INSRR: variants seen among roughly 807,000 people sequenced by gnomAD.
INSRR encodes the protein insulin receptor-related protein.
In INSRR, 114 loss-of-function variants were observed where a neutral mutation model predicts 130.0. The ratio of observed to expected loss-of-function variants is 0.88; its 90% CI spans 0.75 to 1.02. The LOEUF is 1.02. INSRR is among the 50% of genes least tolerant of loss of function. INSRR has a pLI of 0.00. For missense variants in INSRR, 1,657 were observed against 1,735.2 expected (o/e 0.95, Z 0.80); for synonymous variants, 674 against 705.2 (o/e 0.96, Z 0.70).
intron 17 of INSRR, 39 bp from the exon 18 acceptor site, chr1:156,842,547 C>T: frequency 1.3e-6 from 2 of 1,559,766 alleles, no homozygotes; most frequent in Non-Finnish European, 1.8e-6. Flanking sequence ...CCCTAGTTCC[C>T]CTTGACCCAT....
chr1:156,854,182 G>A lies in INSRR; in HGVS notation c.207C>T (p.Arg69=), dbSNP rs554470500. The A allele has an allele frequency of 6.9e-5, 112 of 1,614,116 alleles. No individual in the cohort carries two copies. The highest frequency in any genetic ancestry group is 2.7e-5 in the African/African-American group (2 of 75,066). ...GGGTGAGGCGAGGGAAGCTGAGGCC[G>A]CGGAAGTCCTCCCCGGTGGCTGTGA... ...LMFTATGEDF[R]GLSFPRLTQV... The change falls in exon 2 of 22, where the codon CGC becomes CGT. Residue 69 remains arginine, a synonymous_variant. Transcript: ENST00000368195. The surrounding 1 kb of genome is among the most constrained non-coding windows in gnomAD (Gnocchi z 4.2).
intron 19 of INSRR, 100 bp downstream of exon 19, chr1:156,842,012 C>T: frequency 1.9e-6 from 3 of 1,584,938 alleles, no homozygotes; most frequent in Non-Finnish European, 2.6e-6. Flanking sequence ...CCAAGGGTCT[C>T]ACAGGCTGTC....
In INSRR at chr1:156,841,541, A is replaced by G. The variant is rs760117540; in HGVS notation, c.3528-13T>C. On this transcript the variant is annotated splice_polypyrimidine_tract_variant and intron_variant, in intron 20 of 21. Coordinates refer to ENST00000368195, the MANE Select transcript of INSRR (RefSeq NM_014215.3). ...CACGCCAAAGGACCTGGGGGCATGC[A>G]GGAGCTCCTGAGCCCAGCACCCTTC... The G allele has an allele frequency of 2.5e-6, 4 of 1,613,820 alleles. No individual in the cohort carries two copies. The African/African-American group carries it at 5.3e-5, about 22-fold the overall frequency.
Position 156,844,544 on chromosome 1 carries a change from G to A in INSRR, c.2655C>T (p.Asn885=). Residue 885 remains asparagine (N), a synonymous_variant, in exon 14 of 22, where the codon AAC becomes AAT. Coordinates refer to ENST00000368195, the MANE Select transcript of INSRR (RefSeq NM_014215.3). ...AGGTTGCCCTAACCCTGGCAGAGTA[G>A]TTTCCAGGGGGCAGCAGGGCCAGGT... ...GVHLALLPPG[N]YSARVRATSL... 6.2e-7 allele frequency: 1 copy of A among 1,614,180 alleles called. No homozygotes were observed. The highest frequency in any genetic ancestry group is 2.2e-5 in the East Asian group (1 of 44,874).
chr1:156,843,486 C>T lies in INSRR; in HGVS notation c.2844-7G>A, dbSNP rs757173008. On this transcript the variant is annotated splice_region_variant and splice_polypyrimidine_tract_variant and intron_variant, in intron 15 of 21. Coordinates refer to ENST00000368195, the MANE Select transcript of INSRR (RefSeq NM_014215.3). ...AGCATACAGGGTTCTGTTTCTGCAA[C>T]GGGAGGTGAGGGGGTCAGGCTGGAA... The T allele has an allele frequency of 3.0e-5, 49 of 1,613,968 alleles. No homozygotes were observed. Among genetic ancestry groups the T allele is most frequent in the African/African-American group, 9.3e-5 (7 of 74,906 alleles).
chr1:156,842,880 G>C, intron 17 of INSRR, 124 bp downstream of exon 17: 4 of 758,940 alleles, frequency 5.3e-6, no homozygotes, highest in East Asian at 2.7e-5. Context: ...CCCCAATTAG[G>C]ATCCTAACCA....
At chr1:156,847,479 C>T (rs1018425604) in intron 7 of INSRR, among the ~76,000 whole-genome samples, 12 of 152,090 alleles carry the variant, frequency 7.9e-5, no homozygotes, top group African/African-American at 2.9e-4. Flanking sequence ...CCATGGGAGA[C>T]AATGGAACAT....
At chr1:156,849,513 G>GGGGGGGGGGGGGGGGGC in intron 5 of INSRR, 53 bp from the exon 6 acceptor site, 9 of 486,116 alleles carry the variant, frequency 1.9e-5, no homozygotes, top group Non-Finnish European at 3.3e-5. Flanking sequence ...CAGGGGGTGG[G>GGGGGGGGGGGGGGGGGC]AAAGGGGATG....
At chr1:156,849,681 C>T (rs1655136372) in intron 5 of INSRR, among the ~76,000 whole-genome samples, 1 of 152,140 alleles carries the variant, frequency 6.6e-6, no homozygotes, top group African/African-American at 2.4e-5. Flanking sequence ...TTTGGTTTTC[C>T]TCATCAGTGA....
intron 5 of INSRR, among the ~76,000 whole-genome samples, chr1:156,850,536 T>C (rs1262360602): frequency 1.3e-5 from 1 of 74,406 alleles, no homozygotes; most frequent in Non-Finnish European, 2.4e-5. Context: ...AAAACATTCT[T>C]TTTTTTTTTT....
chr1:156,849,516 A>AT, intron 5 of INSRR, 56 bp from the exon 6 acceptor site: 17 of 851,596 alleles, frequency 2.0e-5, no homozygotes, highest in East Asian at 9.2e-5. Flanking sequence ...GGGGTGGGAA[A>AT]GGGGATGGCT....
intron 7 of INSRR, among the ~76,000 whole-genome samples, chr1:156,847,845 A>G (rs1479330914): frequency 6.6e-6 from 1 of 152,012 alleles, no homozygotes; most frequent in Non-Finnish European, 1.5e-5. Context: ...AGCTTGTTGA[A>G]GGGTTCCCAA....
rs1655217750 is a variant in INSRR at position 156,851,749 on chromosome 1, C to T, written c.981G>A (p.Glu327=). 1.2e-6 allele frequency: 2 copies of T among 1,613,798 alleles called. No individual in the cohort carries two copies. Among genetic ancestry groups the T allele is most frequent in the Non-Finnish European group, 1.7e-6 (2 of 1,179,682 alleles). Residue 327 remains glutamate (E), a synonymous_variant, in exon 4 of 22, where the codon GAG becomes GAA. Transcript: ENST00000368195. The stretch of plus-strand genomic sequence containing the variant: ...CGATGGTCTTGGTGCCTACCTTGCA[C>T]TCTTTAGGGCACAGCCCCTCGCACT... The part of the protein sequence containing the change: ...CHKCEGLCPK[E]CKVGTKTIDS...
In INSRR at chr1:156,854,087, AG is replaced by A. The variant is rs755315406; in HGVS notation, c.301del (p.Leu101Ter). 6.2e-7 allele frequency: 1 copy of A among 1,614,114 alleles called. No homozygotes were observed. Among genetic ancestry groups the A allele is most frequent in the Non-Finnish European group, 8.5e-7 (1 of 1,180,046 alleles). On this transcript the variant is annotated frameshift_variant, in exon 2 of 22. Coordinates refer to ENST00000368195, the MANE Select transcript of INSRR (RefSeq NM_014215.3). LOFTEE classifies it high-confidence loss of function. This position sits in a 1 kb window ranked among gnomAD's most constrained non-coding sequence, Gnocchi z 4.2. ...LESLRDLFPN[L>X]AVIRGTRLFL... ...GAGGCGCGTCCCGCGGATGACTGCT[AG>A]GTTGGGGAAGAGGTCGCGCAGGCTC... is the stretch of plus-strand genomic sequence containing the variant.
intron 1 of INSRR, among the ~76,000 whole-genome samples, chr1:156,856,942 C>T (rs1048108573): frequency 6.6e-6 from 1 of 152,238 alleles, no homozygotes; most frequent in Non-Finnish European, 1.5e-5. Flanking sequence ...TTCAGCCTGA[C>T]ATTCAGCTCC....
chr1:156,840,653 C>A lies in INSRR; in HGVS notation c.*220G>T, dbSNP rs1654738993. ...CTGATCTCTACTCCTCTGGCTTTGA[C>A]CCTGCTTGCTCTCCCCCGAGGGACT... On this transcript the variant is annotated 3_prime_UTR_variant, in exon 22 of 22. Transcript: ENST00000368195. 1.7e-6 allele frequency: 1 copy of A among 590,314 alleles called. No homozygotes were observed. The highest frequency in any genetic ancestry group is 3.0e-6 in the Non-Finnish European group (1 of 330,842). 36.6% of individuals were successfully genotyped at this position (590,314 alleles called of 1,614,324 possible). A position where few individuals can be genotyped will look rare whatever the true frequency, so the allele number is the denominator to read the frequency against.
chr1:156,841,315 T>C (rs1571654523), intron 21 of INSRR, 79 bp downstream of exon 21: 3 of 1,347,266 alleles, frequency 2.2e-6, no homozygotes, highest in Admixed American at 1.9e-5. Flanking sequence ...TCAGAGGAGG[T>C]GAGCCAGAAT....
At chr1:156,848,607 T>A (rs1257504967) in intron 7 of INSRR, among the ~76,000 whole-genome samples, 1 of 152,078 alleles carries the variant, frequency 6.6e-6, no homozygotes, top group Non-Finnish European at 1.5e-5. Flanking sequence ...GGCAGGAGCG[T>A]GTGGTCAGTG....
Position 156,858,691 on chromosome 1 carries a change from G to T in INSRR, c.-70C>A. On this transcript the variant is annotated 5_prime_UTR_variant, in exon 1 of 22. Transcript: ENST00000368195. Reference sequence around the variant, plus strand: ...GACTCTGGGGAGAACGGTGTGATAAGCCCTAAGGGACACAGAGACCAGGGT... The same window carrying T: ...GACTCTGGGGAGAACGGTGTGATAATCCCTAAGGGACACAGAGACCAGGGT... The T allele has an allele frequency of 1.5e-6, 2 of 1,319,814 alleles. No homozygotes were observed. The highest frequency in any genetic ancestry group is 2.2e-6 in the Non-Finnish European group (2 of 912,996). 81.8% of individuals were successfully genotyped at this position (1,319,814 alleles called of 1,614,324 possible).
Sources: gnomAD v4.1 joint callset for allele counts (sites outside exome capture counted in the v4.1 genomes callset) on GRCh38, gnomAD v4.1.1 for gene constraint, Gnocchi (gnomAD v3.1) non-coding constraint, MANE v1.5 for transcripts, NCBI Gene and HGNC (gene_info 2026-07-23, HGNC 2026-07-21) for gene names.